Variants in SMYD3 observed in about 807,000 individuals in gnomAD.
SMYD3 encodes histone-lysine N-methyltransferase SMYD3.
SMYD3 carries 36 observed loss-of-function variants against 57.7 expected under a neutral mutation model. The observed-to-expected ratio is 0.62, with a 90% CI of 0.48 to 0.82. The LOEUF (loss-of-function observed/expected upper bound fraction) is 0.82, where lower values mean the gene tolerates loss of function less well. SMYD3 is among the 40% of genes least tolerant of loss of function. SMYD3 has a pLI of 0.00. For synonymous variants in SMYD3, 211 were observed against 195.0 expected (o/e 1.08, Z -0.68); for missense variants, 515 against 538.8 (o/e 0.96, Z 0.44).
intron 8 of SMYD3, among the ~76,000 whole-genome samples, chr1:245,868,426 A>T (rs1014180198): frequency 1.3e-5 from 2 of 152,154 alleles, no homozygotes; most frequent in African/African-American, 4.8e-5. Context: ...TAGTACTAGC[A>T]ATTCTAAGAG....
intron 1 of SMYD3, among the ~76,000 whole-genome samples, chr1:246,426,453 T>C (rs917109699): frequency 6.6e-6 from 1 of 152,194 alleles, no homozygotes; most frequent in Non-Finnish European, 1.5e-5. Flanking sequence ...GCCACTAATC[T>C]ACTTTCTGTC....
chr1:246,381,869 CA>C (rs1456729659), intron 1 of SMYD3, among the ~76,000 whole-genome samples: 3 of 152,040 alleles, frequency 2.0e-5, no homozygotes, highest in Admixed American at 2.0e-4. Flanking sequence ...CCTGTAGCCC[CA>C]GACCCCTCCA....
chr1:245,890,014 C>T (rs9728919), intron 8 of SMYD3, among the ~76,000 whole-genome samples: 151,898 of 152,286 alleles, frequency 1, 75,762 homozygotes, highest in Middle Eastern at 1. Flanking sequence ...TAAATGGTGC[C>T]GGGAAAACTG....
intron 5 of SMYD3, among the ~76,000 whole-genome samples, chr1:245,938,721 T>A (rs6666440): frequency 4.6e-5 from 7 of 152,090 alleles, no homozygotes; most frequent in Admixed American, 2.6e-4. Context: ...TCATTTGATC[T>A]TTTGTCTTCT....
In SMYD3 at chr1:245,954,752, T is replaced by A. The variant is rs2057777050; in HGVS notation, c.532-24815A>T. ...TAATCAAATCATATCTCTGTGCCAC[T>A]CTCACATTCAGCCCTTTCTTCCCGT... is the stretch of plus-strand genomic sequence containing the variant. On this transcript the variant is annotated intron_variant, in intron 5 of 11. Coordinates refer to ENST00000490107, the MANE Select transcript of SMYD3 (RefSeq NM_001167740.2). Among the ~76,000 whole-genome samples, 3 of 152,214 alleles carry A rather than the reference T, an allele frequency of 2.0e-5. No homozygotes were observed. The South Asian group carries it at 6.2e-4, about 32-fold the overall frequency.
chr1:245,849,934 T>C (rs1187164974), intron 10 of SMYD3, among the ~76,000 whole-genome samples: 1 of 151,690 alleles, frequency 6.6e-6, no homozygotes, highest in African/African-American at 2.4e-5. Flanking sequence ...ATTGCAAGCG[T>C]GAGCCACTGT....
chr1:246,142,939 G>A (rs555334923), intron 5 of SMYD3, among the ~76,000 whole-genome samples: 12 of 152,110 alleles, frequency 7.9e-5, no homozygotes, highest in Admixed American at 3.3e-4. Context: ...TAAACACGAG[G>A]GTAGAAAGTT....
intron 1 of SMYD3, among the ~76,000 whole-genome samples, chr1:246,414,450 G>A (rs1381538840): frequency 6.6e-6 from 1 of 152,148 alleles, no homozygotes; most frequent in Non-Finnish European, 1.5e-5. Flanking sequence ...ACCAAAGCCT[G>A]TCTCTTCTCT....
At chr1:246,356,807 A>C (rs2065916698) in intron 1 of SMYD3, among the ~76,000 whole-genome samples, 1 of 152,212 alleles carries the variant, frequency 6.6e-6, no homozygotes, top group South Asian at 2.1e-4. Flanking sequence ...TTAAGCATGC[A>C]AATCTAAGAA....
chr1:246,472,645 G>C (rs1316675249), intron 1 of SMYD3, among the ~76,000 whole-genome samples: 1 of 151,922 alleles, frequency 6.6e-6, no homozygotes, highest in Non-Finnish European at 1.5e-5. Flanking sequence ...TGGGGAGGCT[G>C]ATAGGGGAGG....
At chr1:245,860,570 G>T (rs952460908) in intron 9 of SMYD3, among the ~76,000 whole-genome samples, 2 of 152,210 alleles carry the variant, frequency 1.3e-5, no homozygotes, top group Admixed American at 6.5e-5. Flanking sequence ...CTGAGAGCCT[G>T]TTCCATCACA....
chr1:245,934,757 T>C (rs2056907034), intron 5 of SMYD3, among the ~76,000 whole-genome samples: 1 of 151,674 alleles, frequency 6.6e-6, no homozygotes, highest in South Asian at 2.1e-4. Context: ...CTGTTTCAAT[T>C]TCAATTAAAA....
intron 1 of SMYD3, among the ~76,000 whole-genome samples, chr1:246,444,402 GCATGAGC>G (rs1415222157): frequency 3.3e-5 from 5 of 152,112 alleles, no homozygotes; most frequent in African/African-American, 1.2e-4. Context: ...GGGATTACAG[GCATGAGC>G]CATCGCGCCC....
At chr1:245,752,773 T>C (rs2045444688) in intron 11 of SMYD3, among the ~76,000 whole-genome samples, 1 of 152,116 alleles carries the variant, frequency 6.6e-6, no homozygotes, top group Non-Finnish European at 1.5e-5. Context: ...CAGCTTCACA[T>C]CCACACCTCA....
At chr1:246,506,994 C>CCCCCCCCACCA in intron 1 of SMYD3, 60 bp downstream of exon 1, 1 of 894,066 alleles carries the variant, frequency 1.1e-6, no homozygotes, top group South Asian at 2.0e-5. Flanking sequence ...CCGACGCCCC[C>CCCCCCCCACCA]CCCTCCCCAG....
intron 1 of SMYD3, among the ~76,000 whole-genome samples, chr1:246,480,746 T>C (rs978468253): frequency 6.6e-6 from 1 of 152,292 alleles, no homozygotes; most frequent in East Asian, 1.9e-4. Context: ...TCTGACAAAA[T>C]GAAAGTAAAT....
At chr1:245,775,022 G>A (rs1162797191) in intron 10 of SMYD3, among the ~76,000 whole-genome samples, 1 of 152,140 alleles carries the variant, frequency 6.6e-6, no homozygotes, top group African/African-American at 2.4e-5. Flanking sequence ...TGCCCAGGCT[G>A]GAGTGCAGTG....
intron 5 of SMYD3, among the ~76,000 whole-genome samples, chr1:246,002,443 CA>C (rs1452363952): frequency 4.0e-5 from 2 of 49,864 alleles, no homozygotes; most frequent in Non-Finnish European, 9.6e-5. Flanking sequence ...CTCGGCCTCC[CA>C]AAGTGCTGGG....
intron 5 of SMYD3, among the ~76,000 whole-genome samples, chr1:246,281,529 T>C (rs1485447360): frequency 6.6e-6 from 1 of 152,208 alleles, no homozygotes; most frequent in Non-Finnish European, 1.5e-5. Flanking sequence ...AAAGAGATGT[T>C]TCTCCTCTAA....
Sources: gnomAD v4.1 joint callset for allele counts (sites outside exome capture counted in the v4.1 genomes callset) on GRCh38, gnomAD v4.1.1 for gene constraint, MANE v1.5 for transcripts, NCBI Gene and HGNC (gene_info 2026-07-23, HGNC 2026-07-21) for gene names.